NT5C2: variants seen among roughly 807,000 people sequenced by gnomAD.
The protein encoded by NT5C2 is 5'-nucleotidase, cytosolic II, also known as cytosolic purine 5'-nucleotidase.
NT5C2 carries 58 observed loss-of-function variants against 76.1 expected under a neutral mutation model. That is an observed-to-expected ratio of 0.76 (90% CI 0.62 to 0.95). NT5C2 has a LOEUF of 0.95. NT5C2 is among the 40% of genes least tolerant of loss of function. The pLI is 0.00. For missense variants in NT5C2, 478 were observed against 690.3 expected, an observed-to-expected ratio of 0.69 and a Z score of 3.45; for synonymous variants, 229 against 237.4, an observed-to-expected ratio of 0.96 and a Z score of 0.32.
chr10:103,167,876 C>A (rs1386686820), intron 3 of NT5C2, among the ~76,000 whole-genome samples: 1 of 152,076 alleles, frequency 6.6e-6, no homozygotes, highest in African/African-American at 2.4e-5. Flanking sequence ...ATGAGCCATC[C>A]ACCCGCCTGG....
chr10:103,108,690 T>C (rs576707924), intron 4 of NT5C2, among the ~76,000 whole-genome samples: 14 of 152,234 alleles, frequency 9.2e-5, no homozygotes, highest in Non-Finnish European at 1.8e-4. Context: ...GCTTTCAAAA[T>C]CCTTTAATAA....
chr10:103,142,109 T>C (rs2080539619), intron 3 of NT5C2, among the ~76,000 whole-genome samples: 3 of 152,002 alleles, frequency 2.0e-5, no homozygotes, highest in Non-Finnish European at 4.4e-5. Flanking sequence ...TTGGTTTTGC[T>C]TCTGTTTGTT....
chr10:103,106,483 G>A, intron 5 of NT5C2, 106 bp downstream of exon 5: 1 of 730,146 alleles, frequency 1.4e-6, no homozygotes, highest in Non-Finnish European at 2.4e-6. Context: ...ATTATTCAAT[G>A]TTTTGGGGGG....
At chr10:103,136,181 C>T (rs560451082) in intron 4 of NT5C2, among the ~76,000 whole-genome samples, 1 of 152,284 alleles carries the variant, frequency 6.6e-6, no homozygotes, top group South Asian at 2.1e-4. Flanking sequence ...TGTTTCTATT[C>T]ATATGAAAAT....
At chr10:103,113,999 C>T (rs2073706906) in intron 4 of NT5C2, among the ~76,000 whole-genome samples, 1 of 152,200 alleles carries the variant, frequency 6.6e-6, no homozygotes, top group South Asian at 2.1e-4. Flanking sequence ...CACATCTTGT[C>T]TAGAGGAGGA....
intron 3 of NT5C2, among the ~76,000 whole-genome samples, chr10:103,172,498 C>T (rs1019381541): frequency 4.6e-5 from 7 of 151,622 alleles, no homozygotes; most frequent in African/African-American, 1.2e-4. Context: ...CCACCCGCCT[C>T]GGCCTCCCAA....
intron 3 of NT5C2, among the ~76,000 whole-genome samples, chr10:103,150,603 T>C (rs371640732): frequency 9.2e-5 from 14 of 152,322 alleles, no homozygotes; most frequent in African/African-American, 3.1e-4. Flanking sequence ...CAAAACTCTT[T>C]TCTCTTTTGC....
intron 3 of NT5C2, chr10:103,146,457 A>G: frequency 1.0e-6 from 1 of 985,148 alleles, no homozygotes; most frequent in Non-Finnish European, 1.2e-6. Context: ...TTACACATTG[A>G]AAATTTGCTA....
intron 1 of NT5C2, among the ~76,000 whole-genome samples, chr10:103,183,293 A>ATATATATC (rs1317846828): frequency 9.1e-6 from 1 of 109,388 alleles, no homozygotes; most frequent in East Asian, 4.2e-4. Context: ...ATATATATAT[A>ATATATATC]TCACACACTC....
Position 103,123,682 on chromosome 10 carries a change from AT to A in NT5C2, c.175+15723del, listed in dbSNP as rs545009200. ...CGAAGGAGTGGACACTAGCCATGGT[AT>A]CCACTGATTCTGAAATAACAGAAAT... On this transcript the variant is annotated intron_variant, in intron 4 of 18. Coordinates refer to ENST00000404739, the MANE Select transcript of NT5C2 (RefSeq NM_001351169.2). 7.1e-4 allele frequency among the ~76,000 whole-genome samples: 108 copies of A among 152,306 alleles called. 1 individual carries two copies. The highest frequency in any genetic ancestry group is 2.4e-3 in the African/African-American group (99 of 41,556).
At chr10:103,102,327 A>C (rs2069943972) in intron 6 of NT5C2, among the ~76,000 whole-genome samples, 1 of 152,136 alleles carries the variant, frequency 6.6e-6, no homozygotes, top group Non-Finnish European at 1.5e-5. Flanking sequence ...CATGACAGTG[A>C]GATAGTCTGC....
At chr10:103,148,036 A>G (rs1033216776) in intron 3 of NT5C2, among the ~76,000 whole-genome samples, 52 of 152,226 alleles carry the variant, frequency 3.4e-4, no homozygotes, top group African/African-American at 1.1e-3. Flanking sequence ...GTCTGCCATT[A>G]TGTCTCCATC....
chr10:103,175,854 T>C (rs1043594213), intron 2 of NT5C2: 47 of 162,488 alleles, frequency 2.9e-4, no homozygotes, highest in Non-Finnish European at 4.6e-4. Flanking sequence ...TCCACAAAAA[T>C]TGGAAGGAGG....
chr10:103,094,436 G>A lies in NT5C2; in HGVS notation c.833C>T (p.Pro278Leu). The change falls in exon 13 of 19, where the codon CCA (proline) becomes CTA (leucine). Residue 278 changes from proline to leucine, a missense_variant. Coordinates refer to ENST00000404739, the MANE Select transcript of NT5C2 (RefSeq NM_001351169.2). Reference sequence around the variant, plus strand: ...GATCAAGTCAAAGTAGGACTGCCATGGTCGATGGGAGCTCCCAGGCTGGTG... The same window carrying A: ...GATCAAGTCAAAGTAGGACTGCCATAGTCGATGGGAGCTCCCAGGCTGGTG... ...HGPKPGSSHR[P>L]WQSYFDLILV... 6.2e-7 allele frequency: 1 copy of A among 1,612,564 alleles called. No individual in the cohort carries two copies. The highest frequency in any genetic ancestry group is 1.1e-5 in the South Asian group (1 of 90,988).
At chr10:103,186,581 C>T (rs1228764402) in intron 1 of NT5C2, among the ~76,000 whole-genome samples, 1 of 152,196 alleles carries the variant, frequency 6.6e-6, no homozygotes, top group Non-Finnish European at 1.5e-5. Context: ...TTTCACCAAA[C>T]CTACTTCAAA....
chr10:103,141,078 C>A (rs1263899185), intron 3 of NT5C2, among the ~76,000 whole-genome samples: 1 of 152,190 alleles, frequency 6.6e-6, no homozygotes, highest in East Asian at 1.9e-4. Context: ...CCAAAAAAAT[C>A]ACTGCCGAGA....
At chr10:103,149,703 T>A (rs1004775085) in intron 3 of NT5C2, among the ~76,000 whole-genome samples, 1 of 151,960 alleles carries the variant, frequency 6.6e-6, no homozygotes, top group Admixed American at 6.6e-5. Context: ...GAGATAGAAA[T>A]TAGAGAAGAA....
At chr10:103,138,878 A>G (rs1234027504) in intron 4 of NT5C2, among the ~76,000 whole-genome samples, 1 of 152,100 alleles carries the variant, frequency 6.6e-6, no homozygotes, top group African/African-American at 2.4e-5. Context: ...GTGGTGGTGC[A>G]TGCCTGTAAT....
chr10:103,155,863 T>C (rs1302975978), intron 3 of NT5C2, among the ~76,000 whole-genome samples: 2 of 152,140 alleles, frequency 1.3e-5, no homozygotes, highest in Non-Finnish European at 2.9e-5. Context: ...GATTATAACA[T>C]TATTTAAAAA....
Sources: allele counts gnomAD v4.1 joint callset (sites outside exome capture counted in the v4.1 genomes callset), GRCh38; gene constraint gnomAD v4.1.1; transcripts MANE v1.5; gene names NCBI Gene and HGNC (gene_info 2026-07-23, HGNC 2026-07-21).